Variants in NAALADL2 observed in about 807,000 individuals in gnomAD.
The protein encoded by NAALADL2 is inactive N-acetylated-alpha-linked acidic dipeptidase-like protein 2.
In NAALADL2, 76 loss-of-function variants were observed where a neutral mutation model predicts 87.2. The ratio of observed to expected loss-of-function variants is 0.87; its 90% CI spans 0.72 to 1.05. The LOEUF is 1.05. Among genes scored for constraint, NAALADL2 ranks in the 50% least tolerant of loss-of-function variants. The pLI, the probability that NAALADL2 is intolerant of heterozygous loss-of-function variation, is 0.00. For synonymous variants in NAALADL2, 354 were observed against 331.0 expected (o/e 1.07, Z -0.75); for missense variants, 1,089 against 945.8 (o/e 1.15, Z -1.99).
chr3:175,497,094 G>A (rs954731751), intron 9 of NAALADL2, among the ~76,000 whole-genome samples: 2 of 151,956 alleles, frequency 1.3e-5, no homozygotes, highest in African/African-American at 4.8e-5. Context: ...TTTTTTTAGA[G>A]ACAGGTTCTC....
At chr3:174,854,896 G>C (rs775481355), upstream of NAALADL2, among the ~76,000 whole-genome samples, 36 of 134,434 alleles carry the variant, frequency 2.7e-4, no homozygotes, top group Non-Finnish European at 4.9e-4. Flanking sequence ...GAAGTATAGT[G>C]GCATGATCTC....
chr3:175,176,797 A>G (rs924338624), intron 2 of NAALADL2, among the ~76,000 whole-genome samples: 2 of 152,082 alleles, frequency 1.3e-5, no homozygotes, highest in African/African-American at 4.8e-5. Flanking sequence ...AGGCAAGGAA[A>G]TGAATTTTCC....
intron 3 of NAALADL2, among the ~76,000 whole-genome samples, chr3:174,849,605 G>T (rs1450372880): frequency 4.0e-5 from 6 of 151,688 alleles, no homozygotes; most frequent in Non-Finnish European, 1.5e-5. Context: ...CATGGTGGCG[G>T]GTGCCTGTAA....
At chr3:175,140,139 C>A (rs551783926) in intron 2 of NAALADL2, among the ~76,000 whole-genome samples, 1 of 152,112 alleles carries the variant, frequency 6.6e-6, no homozygotes, top group East Asian at 1.9e-4. Context: ...TGACTAAAGC[C>A]CTCCGTGCCT....
chr3:175,583,035 T>C (rs1195680602), intron 10 of NAALADL2, among the ~76,000 whole-genome samples: 4 of 152,136 alleles, frequency 2.6e-5, no homozygotes, highest in Non-Finnish European at 2.9e-5. Context: ...AAACCCACCA[T>C]ATGCTGACAA....
At chr3:174,683,217 AAAAG>A (rs1465038965) in intron 2 of NAALADL2, among the ~76,000 whole-genome samples, 1 of 152,188 alleles carries the variant, frequency 6.6e-6, no homozygotes, top group Non-Finnish European at 1.5e-5. Context: ...CAGAGGAGAC[AAAAG>A]AAAAAAGAAT....
intron 10 of NAALADL2, among the ~76,000 whole-genome samples, chr3:175,588,155 G>A (rs1720818306): frequency 6.6e-6 from 1 of 151,788 alleles, no homozygotes; most frequent in South Asian, 2.1e-4. Flanking sequence ...AGTAACGCCT[G>A]GTAGGAAAAG....
At chr3:174,781,143 G>T (rs1284702881) in intron 3 of NAALADL2, among the ~76,000 whole-genome samples, 1 of 152,046 alleles carries the variant, frequency 6.6e-6, no homozygotes, top group African/African-American at 2.4e-5. Context: ...TCTGCAGAGA[G>T]ATCCGCTGTT....
chr3:175,266,450 A>G (rs1751947271), intron 4 of NAALADL2, among the ~76,000 whole-genome samples: 1 of 151,666 alleles, frequency 6.6e-6, no homozygotes, highest in Admixed American at 6.6e-5. Flanking sequence ...TTAAGGAAGA[A>G]CCACCAGAAA....
chr3:174,514,926 A>G (rs569766995), intron 1 of NAALADL2, among the ~76,000 whole-genome samples: 1 of 152,232 alleles, frequency 6.6e-6, no homozygotes, highest in African/African-American at 2.4e-5. Context: ...CTGGCTTGCT[A>G]CCTACTTCCA....
intron 2 of NAALADL2, among the ~76,000 whole-genome samples, chr3:175,224,186 G>GTA (rs1404318690): frequency 6.6e-6 from 1 of 152,154 alleles, no homozygotes; most frequent in Non-Finnish European, 1.5e-5. Flanking sequence ...CTGGGTGGGA[G>GTA]TAGTCTGGGC....
At chr3:175,637,647 C>T (rs1248852567) in intron 11 of NAALADL2, among the ~76,000 whole-genome samples, 1 of 152,188 alleles carries the variant, frequency 6.6e-6, no homozygotes, top group African/African-American at 2.4e-5. Context: ...TGCTCTTTGC[C>T]TTCTTCCATG....
chr3:175,783,759 C>G (rs1221959123), intron 13 of NAALADL2, among the ~76,000 whole-genome samples: 11 of 150,960 alleles, frequency 7.3e-5, no homozygotes, highest in South Asian at 2.1e-4. Context: ...AGTGGTGAGA[C>G]AGGGCATCCC....
chr3:174,935,195 A>G (rs1056352429), intron 1 of NAALADL2, among the ~76,000 whole-genome samples: 4 of 152,188 alleles, frequency 2.6e-5, no homozygotes, highest in African/African-American at 9.6e-5. Context: ...TTTCATGTGT[A>G]ATGTTCTGAC....
rs1295202495 is a variant in NAALADL2 at position 175,343,674 on chromosome 3, TTTC to T, written c.1090+19350_1090+19352del. 5.6e-3 allele frequency among the ~76,000 whole-genome samples: 827 copies of T among 147,232 alleles called. 133 individuals are homozygous for T. Among genetic ancestry groups the T allele is most frequent in the Admixed American group, 9.7e-3 (140 of 14,452 alleles). On this transcript the variant is annotated intron_variant, in intron 5 of 13. Transcript: ENST00000454872. Reference sequence around the variant, plus strand: ...GATCATGTTTTTTTTTTTTTTTTTTTTTCCCTTCCCACTGATCAAACTAGGAAA... The same window carrying T: ...GATCATGTTTTTTTTTTTTTTTTTTTCCTTCCCACTGATCAAACTAGGAAA...
chr3:175,534,332 A>C (rs1254856917), intron 9 of NAALADL2, among the ~76,000 whole-genome samples: 1 of 152,080 alleles, frequency 6.6e-6, no homozygotes, highest in Non-Finnish European at 1.5e-5. Flanking sequence ...ACACTATCAC[A>C]AGGTCCCACA....
Position 175,066,543 on chromosome 3 carries a change from A to G in NAALADL2, c.44-30247A>G, listed in dbSNP as rs551030528. Among the ~76,000 whole-genome samples, 8 of 152,288 alleles carry G rather than the reference A, an allele frequency of 5.3e-5. No homozygotes were observed. The South Asian group carries it at 1.7e-3, about 32-fold the overall frequency. On this transcript the variant is annotated intron_variant, in intron 1 of 13. Coordinates refer to ENST00000454872, the MANE Select transcript of NAALADL2 (RefSeq NM_207015.3). ...CCAAAAGTGCTTGTAACTGGAAAAGAGGGAAAACCCTTGTGGCTGTTACAC... is the reference window on the plus strand; with the variant it reads ...CCAAAAGTGCTTGTAACTGGAAAAGGGGGAAAACCCTTGTGGCTGTTACAC...
intron 2 of NAALADL2, among the ~76,000 whole-genome samples, chr3:174,605,333 C>T (rs986567108): frequency 2.8e-4 from 42 of 152,214 alleles, no homozygotes; most frequent in African/African-American, 9.1e-4. Context: ...GTGGGTGCAG[C>T]GCACCGTGCG....
At chr3:175,761,658 G>A (rs1012462467) in intron 13 of NAALADL2, among the ~76,000 whole-genome samples, 2 of 152,050 alleles carry the variant, frequency 1.3e-5, no homozygotes, top group East Asian at 1.9e-4. Context: ...ATCTTCATCC[G>A]CATTTGTTGT....
Sources: gnomAD v4.1 joint callset for allele counts (sites outside exome capture counted in the v4.1 genomes callset) on GRCh38, gnomAD v4.1.1 for gene constraint, MANE v1.5 for transcripts, NCBI Gene and HGNC (gene_info 2026-07-23, HGNC 2026-07-21) for gene names.